The following PCSK4 variants were observed in gnomAD, a reference collection of about 807,000 sequenced individuals.
PCSK4 encodes testicular tissue protein Li 135.
A neutral mutation model predicts 80.3 loss-of-function variants in PCSK4; 64 were observed. The ratio of observed to expected loss-of-function variants is 0.80; its 90% CI spans 0.65 to 0.98. The LOEUF is 0.98. Ranked by LOEUF, PCSK4 falls within the 50% of genes least tolerant of loss-of-function variation. The probability of loss-of-function intolerance (pLI) is 0.00; values close to 1 mark genes in which losing one functional copy is unlikely to be tolerated. For missense variants in PCSK4, 1,213 were observed against 1,093.6 expected, an observed-to-expected ratio of 1.11 and a Z score of -1.54; for synonymous variants, 561 against 487.6, an observed-to-expected ratio of 1.15 and a Z score of -1.98.
At chr19:1,483,815 G>T in intron 10 of PCSK4, 23 bp downstream of exon 10, 1 of 1,487,234 alleles carries the variant, frequency 6.7e-7, no homozygotes, top group South Asian at 1.3e-5. Flanking sequence ...CCGGGTCCCC[G>T]CCCCCGCCCG....
exon 1 of PCSK4, chr19:1,490,220 A>C (rs2065342753): frequency 6.2e-7 from 1 of 1,613,106 alleles, no homozygotes. Context: ...TTACCCTGGG[A>C]CACCTGGACG....
exon 12 of PCSK4, chr19:1,483,316 G>A (rs1472511871): frequency 1.2e-6 from 2 of 1,608,042 alleles, no homozygotes; most frequent in Non-Finnish European, 8.5e-7. Context: ...GCGTGCCCAT[G>A]GGGCTGGTGA....
At position 1,483,034 on chromosome 19, in the gene PCSK4, G is replaced by A; in HGVS notation, c.1572-14C>T. On this transcript the variant is annotated splice_polypyrimidine_tract_variant and intron_variant, in intron 12 of 14. Coordinates refer to ENST00000300954, the Ensembl canonical transcript of PCSK4. The stretch of plus-strand genomic sequence containing the variant: ...ACGTCCAAGGGTCTGGGACAGAAGG[G>A]TGGGTGGGGGTGGGGGTGTCAAGAG... The A allele has an allele frequency of 1.3e-6, 2 of 1,495,012 alleles. No individual in the cohort carries two copies. Among genetic ancestry groups the A allele is most frequent in the Non-Finnish European group, 1.8e-6 (2 of 1,115,004 alleles). 92.6% of individuals were successfully genotyped at this position (1,495,012 alleles called of 1,614,324 possible).
chr19:1,481,693 G>A, exon 15 of PCSK4: 1 of 1,150,418 alleles, frequency 8.7e-7, no homozygotes. Flanking sequence ...GCCTGGGGAG[G>A]CAGCATGGCA....
chr19:1,484,102 C>T, exon 9 of PCSK4: 1 of 1,565,842 alleles, frequency 6.4e-7, no homozygotes, highest in Non-Finnish European at 8.6e-7. Context: ...CTGGTCTGTG[C>T]ACCCGTGATG....
At chr19:1,483,669 G>C (rs1298029648) in exon 11 of PCSK4, 1 of 1,594,618 alleles carries the variant, frequency 6.3e-7, no homozygotes, top group Non-Finnish European at 8.5e-7. Flanking sequence ...CTCTGGACCC[G>C]GACGGCGCAC....
chr19:1,490,378 T>A, exon 1 of PCSK4: 3 of 849,674 alleles, frequency 3.5e-6, no homozygotes, highest in Non-Finnish European at 5.2e-6. Context: ...CCTGCGCAAA[T>A]CCCCTCCCTC....
chr19:1,483,078 G>A (rs560078758), intron 12 of PCSK4, 58 bp from the exon 13 acceptor site: 5 of 1,456,218 alleles, frequency 3.4e-6, no homozygotes, highest in South Asian at 2.8e-5. Flanking sequence ...TTGTGAAGCC[G>A]GCAGAGCCCC....
chr19:1,482,836 G>A lies in PCSK4; in HGVS notation c.1696+60C>T, dbSNP rs1292844216. Reference sequence around the variant, plus strand: ...TGCGGTCACCAAGGCTAGCTCCAGAGCCCCTGGGGGGAGGTTGGAGAGCCA... The same window carrying A: ...TGCGGTCACCAAGGCTAGCTCCAGAACCCCTGGGGGGAGGTTGGAGAGCCA... On this transcript the variant is annotated intron_variant, in intron 13 of 14. Coordinates refer to ENST00000300954, the Ensembl canonical transcript of PCSK4. 1.9e-6 allele frequency: 3 copies of A among 1,580,282 alleles called. No homozygotes were observed. In the African/African-American group the frequency reaches 4.0e-5, roughly 21 times the overall value.
chr19:1,482,414 A>C (rs753687250), exon 14 of PCSK4: 2 of 1,606,702 alleles, frequency 1.2e-6, no homozygotes, highest in Non-Finnish European at 1.7e-6. Context: ...GGGGGCCTGT[A>C]GGCCGCGCTG....
rs1451594778 is a variant in PCSK4, at chr19:1,490,078, G to C, written c.189+80C>G. On this transcript the variant is annotated intron_variant, in intron 1 of 14. Coordinates refer to ENST00000300954, the Ensembl canonical transcript of PCSK4. Reference sequence around the variant, plus strand: ...TCTTGATATTTAGAAGACCTTGTGGGCTCCCTCCCCCTTGTCGGGGTCTAG... The same window carrying C: ...TCTTGATATTTAGAAGACCTTGTGGCCTCCCTCCCCCTTGTCGGGGTCTAG... The C allele has an allele frequency of 7.1e-6, 11 of 1,559,104 alleles. No individual in the cohort carries two copies. In the South Asian group the frequency reaches 1.3e-4, roughly 18 times the overall value.
intron 11 of PCSK4, 70 bp from the exon 12 acceptor site, chr19:1,483,533 G>A: frequency 1.4e-6 from 2 of 1,432,900 alleles, no homozygotes; most frequent in South Asian, 1.2e-5. Context: ...AGCAGGCGAG[G>A]TCGGGGCTCA....
Position 1,487,267 on chromosome 19 carries a change from CTG to C in PCSK4, c.727_728del (p.Gln243ValfsTer288). On this transcript the variant is annotated frameshift_variant, in exon 7 of 15. Transcript: ENST00000300954. LOFTEE classifies it high-confidence loss of function. ...TGTGCTGCGGCTGCAGGCTCAGCGA[CTG>C]GGCCTCGATGACATCGGTGATGGTA... The C allele has an allele frequency of 6.2e-7, 1 of 1,602,338 alleles. No individual in the cohort carries two copies. The highest frequency in any genetic ancestry group is 2.2e-5 in the East Asian group (1 of 44,824).
At chr19:1,484,675 G>A (rs2084513147) in intron 8 of PCSK4, among the ~76,000 whole-genome samples, 1 of 151,742 alleles carries the variant, frequency 6.6e-6, no homozygotes, top group South Asian at 2.1e-4. Flanking sequence ...ACCCGGGTAT[G>A]GTGGCGGGGC....
chr19:1,483,935 G>A, exon 10 of PCSK4: 1 of 1,408,866 alleles, frequency 7.1e-7, no homozygotes, highest in Non-Finnish European at 9.3e-7. Context: ...TCCACGTCAG[G>A]AACGGGCTGC....
At chr19:1,484,543 T>C (rs112665295) in intron 8 of PCSK4, among the ~76,000 whole-genome samples, 2,459 of 143,218 alleles carry the variant, frequency 0.017, 29 homozygotes, top group East Asian at 0.053. Context: ...AAGGGCTGGG[T>C]GCGGTGGCTC....
exon 10 of PCSK4, chr19:1,483,868 C>T: frequency 2.0e-6 from 3 of 1,497,746 alleles, no homozygotes; most frequent in Non-Finnish European, 2.6e-6. Flanking sequence ...GTCCTCCAGT[C>T]CTCGGCCTGC....
exon 11 of PCSK4, chr19:1,483,673 G>A (rs372808724): frequency 1.3e-5 from 21 of 1,595,392 alleles, no homozygotes; most frequent in Non-Finnish European, 1.8e-5. Flanking sequence ...GGACCCGGAC[G>A]GCGCACTTCC....
chr19:1,482,490 CG>C lies in PCSK4; in HGVS notation c.1697-16del. ...GTACAACGTCCCTGGACAGGGGTCG[CG>C]GGTGGGCACAGGAGGAAAAGGAGGC... is the stretch of plus-strand genomic sequence containing the variant. On this transcript the variant is annotated splice_polypyrimidine_tract_variant and intron_variant, in intron 13 of 14. Transcript: ENST00000300954. 6.3e-7 allele frequency: 1 copy of C among 1,595,046 alleles called. No homozygotes were observed.
Sources: allele counts gnomAD v4.1 joint callset (sites outside exome capture counted in the v4.1 genomes callset), GRCh38; gene constraint gnomAD v4.1.1; transcripts MANE v1.5; gene names NCBI Gene and HGNC (gene_info 2026-07-23, HGNC 2026-07-21).